Variants in KALRN observed in about 807,000 individuals in gnomAD.
The protein encoded by KALRN is kalirin.
A neutral mutation model predicts 353.7 loss-of-function variants in KALRN; 70 were observed. The observed-to-expected ratio is 0.20, with a 90% CI of 0.16 to 0.24. KALRN has a LOEUF of 0.24. KALRN is among the 10% of genes least tolerant of loss of function. The pLI is 1.00. For synonymous variants in KALRN, 1,391 were observed against 1,434.8 expected (o/e 0.97, Z 0.69); for missense variants, 2,791 against 3,756.7 (o/e 0.74, Z 6.72).
intron 1 of KALRN, among the ~76,000 whole-genome samples, chr3:124,077,750 C>CT (rs2060333353): frequency 6.6e-6 from 1 of 152,182 alleles, no homozygotes; most frequent in South Asian, 2.1e-4. Context: ...GTCTTTGAAC[C>CT]TTGGCATGCT....
intron 1 of KALRN, among the ~76,000 whole-genome samples, chr3:124,059,641 C>G (rs779049473): frequency 9.2e-5 from 14 of 152,222 alleles, no homozygotes; most frequent in Non-Finnish European, 1.2e-4. Flanking sequence ...GGGCACTGCA[C>G]AGCTTCTCAG....
At chr3:124,419,030 C>T (rs559591568) in intron 14 of KALRN, among the ~76,000 whole-genome samples, 22 of 151,640 alleles carry the variant, frequency 1.5e-4, no homozygotes, top group Middle Eastern at 3.4e-3. Context: ...TGAGATCGCA[C>T]CACTGCACTC....
chr3:124,404,799 G>C (rs530684979), intron 13 of KALRN, among the ~76,000 whole-genome samples: 23 of 152,064 alleles, frequency 1.5e-4, no homozygotes, highest in Non-Finnish European at 2.9e-4. Flanking sequence ...TCTTATCTGG[G>C]GGACACAGAG....
At chr3:124,289,331 T>C (rs766177471) in intron 5 of KALRN, among the ~76,000 whole-genome samples, 12 of 152,196 alleles carry the variant, frequency 7.9e-5, no homozygotes, top group Non-Finnish European at 1.8e-4. Flanking sequence ...TGTGTGACTA[T>C]AGATAGTCCA....
intron 1 of KALRN, among the ~76,000 whole-genome samples, chr3:124,144,544 C>T (rs551221995): frequency 1.3e-5 from 2 of 151,924 alleles, no homozygotes; most frequent in African/African-American, 4.8e-5. Flanking sequence ...TCCTCCTCCT[C>T]TTCCTCATCA....
chr3:124,394,863 A>G (rs1021148553), intron 11 of KALRN, among the ~76,000 whole-genome samples: 2 of 152,268 alleles, frequency 1.3e-5, no homozygotes, highest in African/African-American at 4.8e-5. Flanking sequence ...TCCTTGCTCT[A>G]AGATCATACC....
chr3:124,122,169 A>C (rs2064104243), intron 1 of KALRN, among the ~76,000 whole-genome samples: 1 of 152,166 alleles, frequency 6.6e-6, no homozygotes, highest in African/African-American at 2.4e-5. Flanking sequence ...CCTGGCTGTC[A>C]TGGAAGATAG....
chr3:124,132,229 C>T (rs1160786062), intron 1 of KALRN, among the ~76,000 whole-genome samples: 2 of 152,184 alleles, frequency 1.3e-5, no homozygotes, highest in African/African-American at 4.8e-5. Context: ...ACTTTCCTAT[C>T]CCTCCAGCCT....
At chr3:124,656,682 T>C (rs1487263092) in intron 39 of KALRN, among the ~76,000 whole-genome samples, 1 of 152,228 alleles carries the variant, frequency 6.6e-6, no homozygotes, top group Non-Finnish European at 1.5e-5. Flanking sequence ...CATTGCCTGC[T>C]GGTTCCTTAC....
intron 28 of KALRN, among the ~76,000 whole-genome samples, chr3:124,486,450 G>T (rs17224858): frequency 6.6e-6 from 1 of 152,032 alleles, no homozygotes; most frequent in Non-Finnish European, 1.5e-5. Flanking sequence ...CAAGGGTGAC[G>T]TTATACTGAC....
intron 10 of KALRN, among the ~76,000 whole-genome samples, chr3:124,371,353 A>G (rs2149795827): frequency 6.6e-6 from 1 of 152,328 alleles, no homozygotes; most frequent in Admixed American, 6.5e-5. Flanking sequence ...TTGAAGGTTG[A>G]GTTCATATCT....
At chr3:124,458,105 G>A (rs1200259429) in intron 23 of KALRN, among the ~76,000 whole-genome samples, 6 of 151,822 alleles carry the variant, frequency 4.0e-5, no homozygotes, top group African/African-American at 1.2e-4. Flanking sequence ...GTGAAACCCC[G>A]TCTCTACTAA....
intron 34 of KALRN, among the ~76,000 whole-genome samples, chr3:124,596,539 G>T (rs1023096820): frequency 1.3e-5 from 2 of 152,148 alleles, no homozygotes; most frequent in African/African-American, 4.8e-5. Context: ...TATAAAAATT[G>T]AGATGCTTTA....
chr3:124,576,592 A>C (rs972193248), intron 34 of KALRN, among the ~76,000 whole-genome samples: 16 of 152,194 alleles, frequency 1.1e-4, no homozygotes, highest in Admixed American at 7.9e-4. Context: ...AAGGATGAGC[A>C]GGTCATTATC....
At chr3:124,291,587 T>C (rs1187335091) in intron 5 of KALRN, among the ~76,000 whole-genome samples, 1 of 152,130 alleles carries the variant, frequency 6.6e-6, no homozygotes, top group Non-Finnish European at 1.5e-5. Context: ...GAGGAACATG[T>C]AAGGGTGTTA....
At chr3:124,339,231 C>T (rs940651341) in intron 9 of KALRN, among the ~76,000 whole-genome samples, 1 of 152,030 alleles carries the variant, frequency 6.6e-6, no homozygotes, top group Non-Finnish European at 1.5e-5. Context: ...TGGGAGGGGA[C>T]GGGTGCAGGT....
intron 20 of KALRN, 116 bp from the exon 21 acceptor site, chr3:124,446,647 G>C: frequency 7.8e-7 from 1 of 1,278,762 alleles, no homozygotes; most frequent in East Asian, 2.3e-5. Context: ...CAATCAAATT[G>C]TCAGTGTTTC....
At chr3:124,562,205 C>G (rs2072130660) in intron 33 of KALRN, among the ~76,000 whole-genome samples, 1 of 152,174 alleles carries the variant, frequency 6.6e-6, no homozygotes, top group Non-Finnish European at 1.5e-5. Context: ...TTACTTCTGC[C>G]TTTGAATTGA....
intron 11 of KALRN, among the ~76,000 whole-genome samples, chr3:124,386,887 A>G (rs1053810238): frequency 6.6e-6 from 1 of 152,194 alleles, no homozygotes; most frequent in South Asian, 2.1e-4. Context: ...TGATAATCTT[A>G]TGATATAGAT....
Sources: gnomAD v4.1 joint callset for allele counts (sites outside exome capture counted in the v4.1 genomes callset) on GRCh38, gnomAD v4.1.1 for gene constraint, MANE v1.5 for transcripts, NCBI Gene and HGNC (gene_info 2026-07-23, HGNC 2026-07-21) for gene names.